FAM114A2: variants seen among roughly 807,000 people sequenced by gnomAD.
The protein encoded by FAM114A2 is protein FAM114A2.
FAM114A2 carries 53 observed loss-of-function variants against 58.4 expected under a neutral mutation model. The observed-to-expected ratio is 0.91, with a 90% CI of 0.73 to 1.14. The LOEUF (loss-of-function observed/expected upper bound fraction) is 1.14. FAM114A2 is among the 50% of genes most tolerant of loss of function. The pLI, the probability that FAM114A2 is intolerant of heterozygous loss-of-function variation, is 0.00. For synonymous variants in FAM114A2, 228 were observed against 211.4 expected (o/e 1.08, Z -0.68); for missense variants, 601 against 581.1 (o/e 1.03, Z -0.35).
chr5:154,020,293 A>G (rs989425309), intron 8 of FAM114A2, among the ~76,000 whole-genome samples: 1 of 151,718 alleles, frequency 6.6e-6, no homozygotes, highest in Non-Finnish European at 1.5e-5. Flanking sequence ...AGAAATAACT[A>G]AGATCAGAGC....
At chr5:154,016,569 A>T (rs1405170879) in intron 8 of FAM114A2, among the ~76,000 whole-genome samples, 1 of 152,230 alleles carries the variant, frequency 6.6e-6, no homozygotes, top group African/African-American at 2.4e-5. Context: ...AAATGCTGAG[A>T]GAATTTGCCA....
Position 153,991,614 on chromosome 5 carries a change from TACTA to T in FAM114A2, c.*1358_*1361del, listed in dbSNP as rs1769249223. 1 of 152,160 alleles carries T rather than the reference TACTA, an allele frequency of 6.6e-6. No homozygotes were observed. The highest frequency in any genetic ancestry group is 1.5e-5 in the Non-Finnish European group (1 of 68,022). The allele number at this position is 152,160 out of a possible 1,614,324, so 9.4% of individuals were successfully genotyped here. A position where few individuals can be genotyped will look rare whatever the true frequency, so the allele number is the denominator to read the frequency against. On this transcript the variant is annotated 3_prime_UTR_variant, in exon 14 of 14. Transcript: ENST00000351797. Reference sequence around the variant, plus strand: ...ACCAAATTTATTTCTCTTCCTTGCTTACTAACTGACTCCTGCCCCAAAGAAGATT... The same window carrying T: ...ACCAAATTTATTTCTCTTCCTTGCTTACTGACTCCTGCCCCAAAGAAGATT...
At chr5:154,037,469 G>A (rs1039719441) in intron 1 of FAM114A2, among the ~76,000 whole-genome samples, 1 of 152,116 alleles carries the variant, frequency 6.6e-6, no homozygotes, top group Non-Finnish European at 1.5e-5. Context: ...TGGAGATAGA[G>A]AACTAATGTA....
intron 1 of FAM114A2, chr5:154,038,598 C>G (rs1772764999): frequency 1.3e-5 from 2 of 152,340 alleles, no homozygotes; most frequent in East Asian, 1.9e-4. Context: ...CTCACTTCTT[C>G]CCACATTCAA....
chr5:154,011,266 G>T lies in FAM114A2; in HGVS notation c.968C>A (p.Ser323Tyr), dbSNP rs267600502. 6.2e-6 allele frequency: 10 copies of T among 1,611,914 alleles called. No homozygotes were observed. The East Asian group carries it at 1.6e-4, about 25-fold the overall frequency. The change falls in exon 9 of 14, where the codon TCC becomes TAC. Residue 323 changes from serine to tyrosine, a missense_variant. Physicochemically the swap from Ser to Tyr is moderately radical, Grantham distance 144 (BLOSUM62 -2). Transcript: ENST00000351797. ...CCTGGCAAGTTTCTCTGGTTTGGAG[G>T]AAACGTGCAGCTGGGAAAACAGCTC... Reference protein sequence around the residue: ...ITELFSQLHVSSKPEKLARAR... With the variant: ...ITELFSQLHVYSKPEKLARAR...
intron 12 of FAM114A2, chr5:153,995,264 C>T (rs1022829956): frequency 8.0e-6 from 2 of 251,428 alleles, no homozygotes; most frequent in African/African-American, 4.4e-5. Context: ...CATTTTAAAA[C>T]AAAACATGTA....
chr5:154,037,771 C>A (rs1239833186), intron 1 of FAM114A2, among the ~76,000 whole-genome samples: 1 of 152,080 alleles, frequency 6.6e-6, no homozygotes, highest in Non-Finnish European at 1.5e-5. Flanking sequence ...GTCTTGAACC[C>A]TAGGCCTGGC....
rs1358294998 is a variant in FAM114A2, at chr5:153,996,524, T to C, written c.1329+1279A>G. On this transcript the variant is annotated intron_variant, in intron 12 of 13. Transcript: ENST00000351797. ...ATGACAACTCATGGACTTGGAGAAA[T>C]ACGTTCCCATCAAAAATCTGATAAG... Among the ~76,000 whole-genome samples, 4 of 147,136 alleles carry C rather than the reference T, an allele frequency of 2.7e-5. No individual in the cohort carries two copies. The East Asian group carries it at 6.0e-4, about 22-fold the overall frequency.
At chr5:154,014,617 T>C (rs368487469) in intron 8 of FAM114A2, among the ~76,000 whole-genome samples, 151 of 152,184 alleles carry the variant, frequency 9.9e-4, no homozygotes, top group African/African-American at 3.3e-3. Context: ...CCAAGTGAAA[T>C]ACAGGGGTAG....
chr5:154,000,112 A>T (rs1282234343), intron 11 of FAM114A2, among the ~76,000 whole-genome samples: 1 of 152,208 alleles, frequency 6.6e-6, no homozygotes, highest in Non-Finnish European at 1.5e-5. Flanking sequence ...CAAACACCTC[A>T]TGTTCTCACT....
intron 7 of FAM114A2, 65 bp from the exon 8 acceptor site, chr5:154,026,587 GGAA>G: frequency 8.8e-7 from 1 of 1,134,156 alleles, no homozygotes; most frequent in South Asian, 2.3e-5. Context: ...TCACAAATAG[GGAA>G]GAGACTATAA....
At chr5:154,006,930 G>A (rs1281703937) in intron 9 of FAM114A2, among the ~76,000 whole-genome samples, 1 of 151,866 alleles carries the variant, frequency 6.6e-6, no homozygotes, top group Non-Finnish European at 1.5e-5. Flanking sequence ...CCGAGTAGCT[G>A]GGATTACAGG....
intron 8 of FAM114A2, among the ~76,000 whole-genome samples, chr5:154,022,983 G>C (rs1330710043): frequency 6.6e-6 from 1 of 152,196 alleles, no homozygotes; most frequent in Non-Finnish European, 1.5e-5. Flanking sequence ...CATGTCCTTT[G>C]TAGCGACATG....
At chr5:154,014,567 G>C (rs1167195453) in intron 8 of FAM114A2, among the ~76,000 whole-genome samples, 1 of 152,198 alleles carries the variant, frequency 6.6e-6, no homozygotes, top group Admixed American at 6.5e-5. Flanking sequence ...ATTAAAGGGA[G>C]ATGAATCTGA....
intron 8 of FAM114A2, among the ~76,000 whole-genome samples, chr5:154,020,574 C>T (rs572639584): frequency 1.2e-4 from 19 of 152,238 alleles, no homozygotes; most frequent in African/African-American, 4.3e-4. Context: ...TGGACACACA[C>T]GCCCTCCCAA....
In FAM114A2 at chr5:154,028,160, T is replaced by C. The variant is rs141421700; in HGVS notation, c.619A>G (p.Thr207Ala). ...RTKGLMNRNA[T>A]LSQVLREAKE... is the part of the protein sequence containing the mutation. ...AGGATAATCAGTACCTGAGATAGTG[T>C]AGCATTTCGGTTCATCAGACCCTTG... The change falls in exon 6 of 14, where the codon ACA becomes GCA. Residue 207 changes from threonine to alanine, a missense_variant. By Grantham distance (58) the Thr-to-Ala change is moderately conservative. Transcript: ENST00000351797. The C allele has an allele frequency of 2.2e-5, 35 of 1,611,304 alleles. No individual in the cohort carries two copies. The highest frequency in any genetic ancestry group is 1.1e-4 in the East Asian group (5 of 44,864).
intron 9 of FAM114A2, among the ~76,000 whole-genome samples, chr5:154,008,819 T>A (rs1035906639): frequency 6.6e-6 from 1 of 152,130 alleles, no homozygotes; most frequent in Admixed American, 6.6e-5. Context: ...ATAAAACCAT[T>A]TCAGATACAT....
chr5:154,036,606 A>C (rs1270065379), intron 1 of FAM114A2: 6 of 152,238 alleles, frequency 3.9e-5, no homozygotes, highest in Admixed American at 3.9e-4. Context: ...CAGGTGCTGC[A>C]TTCAGTCCAA....
chr5:154,026,827 CACA>C (rs1771811112), intron 7 of FAM114A2, among the ~76,000 whole-genome samples: 1 of 140,528 alleles, frequency 7.1e-6, no homozygotes, highest in African/African-American at 2.6e-5. Flanking sequence ...GGTAACTGTA[CACA>C]AATTGGCAGC....
Sources: allele counts gnomAD v4.1 joint callset (sites outside exome capture counted in the v4.1 genomes callset), GRCh38; gene constraint gnomAD v4.1.1; transcripts MANE v1.5; gene names NCBI Gene and HGNC (gene_info 2026-07-23, HGNC 2026-07-21).